BRINP1: variants seen among roughly 807,000 people sequenced by gnomAD.
BRINP1 encodes BMP/retinoic acid inducible neural specific 1, also known as BMP/retinoic acid-inducible neural-specific protein 1.
In BRINP1, 17 loss-of-function variants were observed where a neutral mutation model predicts 72.9. That is an observed-to-expected ratio of 0.23 (90% CI 0.16 to 0.35). The LOEUF (loss-of-function observed/expected upper bound fraction) is 0.35, where lower values mean the gene tolerates loss of function less well. Among genes scored for constraint, BRINP1 ranks in the 10% least tolerant of loss-of-function variants. The pLI is 1.00. For missense variants in BRINP1, 850 were observed against 1,001.6 expected, an observed-to-expected ratio of 0.85 and a Z score of 2.04; for synonymous variants, 418 against 378.5, an observed-to-expected ratio of 1.10 and a Z score of -1.21.
In BRINP1 at chr9:119,214,065, A is replaced by T; in HGVS notation, c.776T>A (p.Leu259Gln). Reference protein sequence around the residue: ...YIMCNGEGEYLCQNSQCRCQC... With the variant: ...YIMCNGEGEYQCQNSQCRCQC... ...GCAGCGACACTGGCTGTTCTGGCACAGGTACTCCCCCTCCCCATTGCACAT... is the reference window on the plus strand; with the variant it reads ...GCAGCGACACTGGCTGTTCTGGCACTGGTACTCCCCCTCCCCATTGCACAT... Residue 259 changes from leucine (L) to glutamine (Q), a missense_variant, in exon 6 of 8, where the codon CTG becomes CAG. By Grantham distance (113) the Leu-to-Gln change is moderately radical. Coordinates refer to ENST00000265922, the MANE Select transcript of BRINP1 (RefSeq NM_014618.3). The T allele has an allele frequency of 6.2e-7, 1 of 1,614,194 alleles. No individual in the cohort carries two copies. The highest frequency in any genetic ancestry group is 8.5e-7 in the Non-Finnish European group (1 of 1,180,030).
At chr9:119,360,244 C>T (rs1029390499) in intron 1 of BRINP1, among the ~76,000 whole-genome samples, 2 of 152,152 alleles carry the variant, frequency 1.3e-5, no homozygotes, top group Non-Finnish European at 2.9e-5. Flanking sequence ...TATTACCAAC[C>T]CTTGCCAGGT....
intron 7 of BRINP1, among the ~76,000 whole-genome samples, chr9:119,173,329 AC>A (rs1829440297): frequency 6.8e-6 from 1 of 147,220 alleles, no homozygotes; most frequent in Non-Finnish European, 1.5e-5. Context: ...GCATTCTTAT[AC>A]ACCAACAACA....
intron 5 of BRINP1, 106 bp from the exon 6 acceptor site, chr9:119,214,261 C>T (rs1588166478): frequency 4.9e-6 from 4 of 818,536 alleles, no homozygotes; most frequent in Non-Finnish European, 7.9e-6. Flanking sequence ...TACATTTCTC[C>T]CTGTGTATTG....
intron 2 of BRINP1, among the ~76,000 whole-genome samples, chr9:119,296,948 C>T (rs984456855): frequency 7.2e-5 from 11 of 152,118 alleles, no homozygotes; most frequent in African/African-American, 2.4e-4. Context: ...TAATATACAG[C>T]ATGGTGACTA....
At chr9:119,219,719 G>A (rs1255948950) in intron 5 of BRINP1, among the ~76,000 whole-genome samples, 1 of 150,702 alleles carries the variant, frequency 6.6e-6, no homozygotes, top group Admixed American at 6.6e-5. Flanking sequence ...CTAGTTGCTT[G>A]GATGCAATGA....
intron 1 of BRINP1, among the ~76,000 whole-genome samples, chr9:119,320,822 AG>A (rs1264054999): frequency 1.3e-5 from 2 of 152,222 alleles, no homozygotes; most frequent in Non-Finnish European, 2.9e-5. Context: ...AGTCATTTTG[AG>A]GAAGAAATCA....
chr9:119,260,378 A>G (rs1398054712), intron 2 of BRINP1, among the ~76,000 whole-genome samples: 1 of 152,228 alleles, frequency 6.6e-6, no homozygotes, highest in East Asian at 1.9e-4. Flanking sequence ...AGGCCCACAA[A>G]GTCTAAAATA....
At chr9:119,194,476 C>T (rs1003588560) in intron 7 of BRINP1, among the ~76,000 whole-genome samples, 3 of 152,160 alleles carry the variant, frequency 2.0e-5, no homozygotes, top group Admixed American at 6.5e-5. Context: ...TTACATAACA[C>T]AGTTGACCTA....
chr9:119,315,169 T>C (rs1467822405), intron 1 of BRINP1, among the ~76,000 whole-genome samples: 3 of 152,188 alleles, frequency 2.0e-5, no homozygotes, highest in Non-Finnish European at 4.4e-5. Flanking sequence ...TTCATTTTAT[T>C]GTACTTCACT....
At position 119,208,960 on chromosome 9, in the gene BRINP1, C is replaced by T. The variant is rs372340914; in HGVS notation, c.923-19G>A. On this transcript the variant is annotated intron_variant, in intron 6 of 7. Transcript: ENST00000265922. ...AACTCATCTAGTGAGAGACAAAGGC[C>T]GAGAGAGAAGGGCTAAGCATGATAA... The T allele has an allele frequency of 6.9e-6, 11 of 1,598,506 alleles. No individual in the cohort carries two copies. Among genetic ancestry groups the T allele is most frequent in the African/African-American group, 2.7e-5 (2 of 74,536 alleles).
intron 1 of BRINP1, among the ~76,000 whole-genome samples, chr9:119,347,025 G>T (rs1245962740): frequency 6.6e-6 from 1 of 152,132 alleles, no homozygotes; most frequent in Non-Finnish European, 1.5e-5. Flanking sequence ...TTCAGGTACA[G>T]CAGAAAGTTG....
At chr9:119,356,566 G>A (rs1298325235) in intron 1 of BRINP1, among the ~76,000 whole-genome samples, 1 of 152,064 alleles carries the variant, frequency 6.6e-6, no homozygotes, top group Non-Finnish European at 1.5e-5. Context: ...ACTTTGGGAG[G>A]CCGAGATGGG....
chr9:119,169,871 C>G (rs1046064526), intron 7 of BRINP1, among the ~76,000 whole-genome samples: 6 of 152,146 alleles, frequency 3.9e-5, no homozygotes, highest in Non-Finnish European at 7.3e-5. Flanking sequence ...AGCAGGGGCA[C>G]ACTGACACGT....
intron 1 of BRINP1, among the ~76,000 whole-genome samples, chr9:119,325,103 GGAAA>G (rs566880860): frequency 1.8e-3 from 264 of 148,058 alleles, no homozygotes; most frequent in Middle Eastern, 3.5e-3. Flanking sequence ...TCTGTCAAAA[GGAAA>G]GAAAGAAAGA....
At chr9:119,345,135 C>T (rs1176732226) in intron 1 of BRINP1, among the ~76,000 whole-genome samples, 4 of 152,178 alleles carry the variant, frequency 2.6e-5, no homozygotes, top group Non-Finnish European at 4.4e-5. Context: ...TTCACATACA[C>T]ATTTGATTCC....
chr9:119,187,104 T>C (rs187581192), intron 7 of BRINP1, among the ~76,000 whole-genome samples: 318 of 151,898 alleles, frequency 2.1e-3, no homozygotes, highest in Non-Finnish European at 3.5e-3. Context: ...GCTACTGAAG[T>C]GCCTTGGAAT....
At chr9:119,213,872 C>T in intron 6 of BRINP1, 47 bp downstream of exon 6, 1 of 1,528,368 alleles carries the variant, frequency 6.5e-7, no homozygotes, top group Middle Eastern at 1.7e-4. Flanking sequence ...CCCTTTCAGA[C>T]TTGGCTCAAG....
At chr9:119,255,390 A>T (rs1830435871) in intron 2 of BRINP1, among the ~76,000 whole-genome samples, 1 of 152,210 alleles carries the variant, frequency 6.6e-6, no homozygotes, top group African/African-American at 2.4e-5. Flanking sequence ...GTCTGCAGCA[A>T]GGGCCATCCC....
intron 2 of BRINP1, among the ~76,000 whole-genome samples, chr9:119,284,119 C>A (rs1285238438): frequency 6.6e-6 from 1 of 152,186 alleles, no homozygotes; most frequent in Admixed American, 6.5e-5. Context: ...TCTCTCCACT[C>A]CCCTCCCATC....
Sources: allele counts gnomAD v4.1 joint callset (sites outside exome capture counted in the v4.1 genomes callset), GRCh38; gene constraint gnomAD v4.1.1; transcripts MANE v1.5; gene names NCBI Gene and HGNC (gene_info 2026-07-23, HGNC 2026-07-21).